TNRC18: variants seen among roughly 807,000 people sequenced by gnomAD.
The protein encoded by TNRC18 is trinucleotide repeat-containing gene 18 protein.
TNRC18 carries 69 observed loss-of-function variants against 226.7 expected under a neutral mutation model. The observed-to-expected ratio is 0.30, with a 90% CI of 0.25 to 0.37. The LOEUF (loss-of-function observed/expected upper bound fraction) is 0.37, where lower values mean the gene tolerates loss of function less well. Ranked by LOEUF, TNRC18 falls within the 10% of genes least tolerant of loss-of-function variation. The pLI is 1.00. For synonymous variants in TNRC18, 2,449 were observed against 1,927.6 expected, an observed-to-expected ratio of 1.27 and a Z score of -7.09; for missense variants, 4,754 against 4,256.6, an observed-to-expected ratio of 1.12 and a Z score of -3.25.
Position 5,362,753 on chromosome 7 carries a change from T to G in TNRC18, c.4292A>C (p.Glu1431Ala). Reference sequence around the variant, plus strand: ...GTCCACCACGGGCCCATCCAGCACCTCCCTCAGCATGTGGCTGCCAGCTGC... The same window carrying G: ...GTCCACCACGGGCCCATCCAGCACCGCCCTCAGCATGTGGCTGCCAGCTGC... ...LLAAGSHMLR[E>A]VLDGPVVDPL... The change falls in exon 12 of 30, where the codon GAG (glutamate) becomes GCG (alanine). Residue 1431 changes from glutamate to alanine, a missense_variant. Coordinates refer to ENST00000430969, the MANE Select transcript of TNRC18 (RefSeq NM_001080495.3). The G allele has an allele frequency of 6.4e-7, 1 of 1,572,286 alleles. No homozygotes were observed. The highest frequency in any genetic ancestry group is 8.6e-7 in the Non-Finnish European group (1 of 1,159,432).
In TNRC18 at chr7:5,388,150, C is replaced by T. The variant is rs752891713; in HGVS notation, c.1674G>A (p.Leu558=). The change falls in exon 5 of 30, where the codon CTG becomes CTA. Residue 558 remains leucine (L), a synonymous_variant. Transcript: ENST00000430969. ...GGCCGCAGGTGGCCGCCGAGCGGGGCAGCACAGCCCCAGGGTCCAGGTAGG... is the reference window on the plus strand; with the variant it reads ...GGCCGCAGGTGGCCGCCGAGCGGGGTAGCACAGCCCCAGGGTCCAGGTAGG... ...KKAYLDPGAV[L]PRSAATCGRP... 2.6e-6 allele frequency: 4 copies of T among 1,564,156 alleles called. No homozygotes were observed. Among genetic ancestry groups the T allele is most frequent in the African/African-American group, 1.4e-5 (1 of 73,634 alleles).
chr7:5,383,620 G>T (rs1442560752), intron 5 of TNRC18, among the ~76,000 whole-genome samples: 1 of 152,184 alleles, frequency 6.6e-6, no homozygotes, highest in Non-Finnish European at 1.5e-5. Flanking sequence ...CAGGAGACCA[G>T]TGTGACAACC....
intron 2 of TNRC18, among the ~76,000 whole-genome samples, chr7:5,408,149 A>G (rs898711449): frequency 5.9e-5 from 9 of 152,114 alleles, no homozygotes; most frequent in South Asian, 2.1e-4. Context: ...AAATACAAAA[A>G]TTAGCTGGGC....
intron 5 of TNRC18, among the ~76,000 whole-genome samples, chr7:5,383,061 A>ATTTATT (rs780602295): frequency 2.1e-5 from 3 of 142,728 alleles, no homozygotes; most frequent in Non-Finnish European, 4.4e-5. Flanking sequence ...TGCTCGGATG[A>ATTTATT]TTTATTTTTA....
intron 2 of TNRC18, chr7:5,420,551 G>A (rs1381226012): frequency 4.5e-6 from 2 of 445,564 alleles, no homozygotes; most frequent in Admixed American, 2.4e-5. Flanking sequence ...CGCATCCCCC[G>A]GCGTACTCCC....
chr7:5,404,763 A>AGAGTGTGTGTGTGT (rs1554301687), intron 2 of TNRC18, among the ~76,000 whole-genome samples: 54 of 147,124 alleles, frequency 3.7e-4, no homozygotes, highest in African/African-American at 1.4e-3. Context: ...GCACACTTTC[A>AGAGTGTGTGTGTGT]GTGTGTGTGT....
rs1205311798 is a variant in TNRC18 at position 5,332,978 on chromosome 7, G to A, written c.5791C>T (p.Arg1931Trp). The A allele has an allele frequency of 3.8e-6, 6 of 1,567,614 alleles. No individual in the cohort carries two copies. The highest frequency in any genetic ancestry group is 2.3e-5 in the South Asian group (2 of 86,510). ...GGCTCCCCCAGCCCCTTCTTGGGCC[G>A]CAGCAGCCCCGCAGGCGACCGCTTG... ...VRKRSPAGLLRPKKGLGEPGP... is the reference protein window; with the variant it reads ...VRKRSPAGLLWPKKGLGEPGP... The change falls in exon 19 of 30, where the codon CGG becomes TGG. Residue 1931 changes from arginine (R) to tryptophan (W), a missense_variant. Transcript: ENST00000430969.
In TNRC18 at chr7:5,309,005, C is replaced by T. The variant is rs1424828722; in HGVS notation, c.8626-56G>A. The T allele has an allele frequency of 1.3e-6, 2 of 1,552,354 alleles. No individual in the cohort carries two copies. The highest frequency in any genetic ancestry group is 1.4e-5 in the African/African-American group (1 of 73,444). ...GAGCCCGGGGGCTGCTGCACCCGAC[C>T]CCAGGCCCCAGGACAGGGCTGACCC... On this transcript the variant is annotated intron_variant, in intron 28 of 29. Coordinates refer to ENST00000430969, the MANE Select transcript of TNRC18 (RefSeq NM_001080495.3). This position sits in a 1 kb window ranked among gnomAD's most constrained non-coding sequence, Gnocchi z 5.7.
chr7:5,345,517 G>GCCTCCCCCCCCCCCCCCC, intron 18 of TNRC18, 45 bp downstream of exon 18: 1 of 377,744 alleles, frequency 2.6e-6, no homozygotes. Context: ...AATGGCGTCC[G>GCCTCCCCCCCCCCCCCCC]CCCCTCCCAC....
intron 12 of TNRC18, 29 bp from the exon 13 acceptor site, chr7:5,362,062 G>T: frequency 2.5e-6 from 4 of 1,607,732 alleles, no homozygotes; most frequent in Non-Finnish European, 3.4e-6. Context: ...GAGGAGGAGG[G>T]GGTGAGGATG....
chr7:5,325,992 C>T (rs1220131987), intron 19 of TNRC18, among the ~76,000 whole-genome samples: 5 of 151,982 alleles, frequency 3.3e-5, no homozygotes. Flanking sequence ...CCTTGGCCTT[C>T]CAAAGTGCTG....
At chr7:5,395,085 C>G (rs1018395120) in intron 2 of TNRC18, among the ~76,000 whole-genome samples, 2 of 152,302 alleles carry the variant, frequency 1.3e-5, no homozygotes, top group African/African-American at 4.8e-5. Flanking sequence ...AGAATCACCT[C>G]CCACAGCAGC....
intron 5 of TNRC18, among the ~76,000 whole-genome samples, chr7:5,387,303 C>T (rs1020568596): frequency 2.0e-5 from 3 of 152,120 alleles, no homozygotes; most frequent in Non-Finnish European, 4.4e-5. Flanking sequence ...GTACCGGGGA[C>T]ACTGGAATCG....
rs1299257410 is a variant in TNRC18, at chr7:5,351,953, T to C, written c.5336A>G (p.Lys1779Arg). 5 of 1,613,936 alleles carry C rather than the reference T, an allele frequency of 3.1e-6. No individual in the cohort carries two copies. The highest frequency in any genetic ancestry group is 1.3e-5 in the African/African-American group (1 of 75,058). ...SKAAGGPKLT[K>R]RGLAAPRTLK... ...AGTCCGGGGGGCCGCCAGGCCCCTCTTGGTCAGCTTGGGGCCACCAGCTGC... is the reference window on the plus strand; with the variant it reads ...AGTCCGGGGGGCCGCCAGGCCCCTCCTGGTCAGCTTGGGGCCACCAGCTGC... The change falls in exon 17 of 30, where the codon AAG (lysine) becomes AGG (arginine). Residue 1779 changes from lysine (K) to arginine (R), a missense_variant. By Grantham distance (26) the Lys-to-Arg change is conservative. Transcript: ENST00000430969.
chr7:5,375,482 C>T (rs6463444), intron 9 of TNRC18, among the ~76,000 whole-genome samples: 105,037 of 152,136 alleles, frequency 0.69, 36,865 homozygotes, highest in East Asian at 0.96. Flanking sequence ...CACTTGCCCA[C>T]GAGCACACAG....
At chr7:5,399,099 G>A (rs1255579842) in intron 2 of TNRC18, among the ~76,000 whole-genome samples, 1 of 152,186 alleles carries the variant, frequency 6.6e-6, no homozygotes, top group East Asian at 1.9e-4. Flanking sequence ...TATACTCCAA[G>A]CCCCCACAGT....
At chr7:5,421,011 G>T in intron 2 of TNRC18, 49 bp downstream of exon 2, 1 of 1,544,108 alleles carries the variant, frequency 6.5e-7, no homozygotes, top group Non-Finnish European at 8.8e-7. Flanking sequence ...CGGCCGAGTG[G>T]ATCTCCCTGG....
intron 17 of TNRC18, among the ~76,000 whole-genome samples, chr7:5,347,739 G>A (rs1344957093): frequency 1.3e-5 from 2 of 151,844 alleles, no homozygotes; most frequent in Admixed American, 6.6e-5. Context: ...TGTGGATCAT[G>A]ATGTCAGGAG....
Position 5,352,011 on chromosome 7 carries a change from G to A in TNRC18, c.5278C>T (p.Leu1760Phe), listed in dbSNP as rs770874850. The change falls in exon 17 of 30, where the codon CTC (leucine) becomes TTC (phenylalanine). Residue 1760 changes from leucine (L) to phenylalanine (F), a missense_variant. Physicochemically the swap from Leu to Phe is conservative, Grantham distance 22. Transcript: ENST00000430969. ...TTCTTTGCCACCATGCTACACAGGA[G>A]GGAAGGCGTCAGTTTGGAGCTGGAG... ...GPSSSKLTPS[L>F]LCSMVAKNSK... 3.7e-6 allele frequency: 6 copies of A among 1,614,004 alleles called. No individual in the cohort carries two copies. Among genetic ancestry groups the A allele is most frequent in the Admixed American group, 1.7e-5 (1 of 60,028 alleles).
Sources: allele counts gnomAD v4.1 joint callset (sites outside exome capture counted in the v4.1 genomes callset), GRCh38; gene constraint gnomAD v4.1.1; non-coding constraint Gnocchi (gnomAD v3.1); transcripts MANE v1.5; gene names NCBI Gene and HGNC (gene_info 2026-07-23, HGNC 2026-07-21).